VSNL1: variants seen among roughly 807,000 people sequenced by gnomAD.
VSNL1 encodes visinin like 1, also known as visinin-like protein 1.
A neutral mutation model predicts 20.4 loss-of-function variants in VSNL1; 6 were observed. The observed-to-expected ratio is 0.29, with a 90% confidence interval of 0.16 to 0.58. VSNL1 has a LOEUF of 0.58. Ranked by LOEUF, VSNL1 falls within the 20% of genes least tolerant of loss-of-function variation. VSNL1 has a pLI of 0.90. For missense variants in VSNL1, 100 were observed against 234.5 expected (o/e 0.43, Z 3.75); for synonymous variants, 93 against 86.4 (o/e 1.08, Z -0.42).
At chr2:17,601,691 T>C (rs1009476199) in intron 2 of VSNL1, among the ~76,000 whole-genome samples, 9 of 150,808 alleles carry the variant, frequency 6.0e-5, no homozygotes, top group Non-Finnish European at 1.3e-4. Context: ...TCCCAGCACT[T>C]TGGGAGGCCG....
At chr2:17,582,080 G>A (rs7425636) in intron 1 of VSNL1, among the ~76,000 whole-genome samples, 2 of 152,176 alleles carry the variant, frequency 1.3e-5, no homozygotes, top group African/African-American at 4.8e-5. Flanking sequence ...GAGTTCACTA[G>A]AGAACCAACG....
chr2:17,626,258 G>A (rs1665505745), intron 2 of VSNL1, among the ~76,000 whole-genome samples: 1 of 152,206 alleles, frequency 6.6e-6, no homozygotes, highest in African/African-American at 2.4e-5. Flanking sequence ...TTGGCAGACT[G>A]TTGGGAGTTC....
rs1666234376 is a variant in VSNL1 at position 17,656,390 on chromosome 2, T to G, written c.*996T>G. The G allele has an allele frequency of 6.6e-6, 1 of 151,888 alleles. No homozygotes were observed. The highest frequency in any genetic ancestry group is 1.5e-5 in the Non-Finnish European group (1 of 67,946). 9.4% of individuals were successfully genotyped at this position (151,888 alleles called of 1,614,324 possible). The stretch of plus-strand genomic sequence containing the variant: ...TGAAAAGTAAAACAGATTTGTTCAT[T>G]CCGAAAAAAAAATGTTCATTCTATG... On this transcript the variant is annotated 3_prime_UTR_variant, in exon 4 of 4. Coordinates refer to ENST00000295156, the MANE Select transcript of VSNL1 (RefSeq NM_003385.5).
chr2:17,576,323 G>A (rs1470246424), intron 1 of VSNL1, among the ~76,000 whole-genome samples: 1 of 152,134 alleles, frequency 6.6e-6, no homozygotes, highest in African/African-American at 2.4e-5. Flanking sequence ...AGTGGGAAAT[G>A]GTTATAGTGC....
At chr2:17,543,739 T>C (rs2103333282) in intron 1 of VSNL1, among the ~76,000 whole-genome samples, 1 of 152,346 alleles carries the variant, frequency 6.6e-6, no homozygotes, top group South Asian at 2.1e-4. Context: ...TTTTGTTTTA[T>C]TCTTTCGCAG....
intron 2 of VSNL1, among the ~76,000 whole-genome samples, chr2:17,632,114 T>A (rs1354752767): frequency 6.6e-6 from 1 of 152,116 alleles, no homozygotes; most frequent in Non-Finnish European, 1.5e-5. Context: ...CTCGAACTCC[T>A]CACCTTAACT....
At chr2:17,590,329 A>T (rs1664570594) in intron 1 of VSNL1, among the ~76,000 whole-genome samples, 1 of 152,218 alleles carries the variant, frequency 6.6e-6, no homozygotes, top group Non-Finnish European at 1.5e-5. Context: ...CATGAATTAG[A>T]GTTTTCTTAC....
intron 1 of VSNL1, among the ~76,000 whole-genome samples, chr2:17,566,307 G>A (rs1351490184): frequency 6.6e-6 from 1 of 152,104 alleles, no homozygotes; most frequent in East Asian, 1.9e-4. Flanking sequence ...ATCTTCTGCT[G>A]TATTAAATAC....
chr2:17,627,824 CTCATCTTGATTTGGTGGCTGG>C (rs1403814499), intron 2 of VSNL1, among the ~76,000 whole-genome samples: 1 of 152,246 alleles, frequency 6.6e-6, no homozygotes, highest in East Asian at 1.9e-4. Flanking sequence ...TCCAGCCCCT[CTCATCTTGATTTGGTGGCTGG>C]TGACCTTTCA....
At chr2:17,582,397 G>A (rs1664369396) in intron 1 of VSNL1, among the ~76,000 whole-genome samples, 1 of 152,176 alleles carries the variant, frequency 6.6e-6, no homozygotes, top group African/African-American at 2.4e-5. Context: ...GGTCATTCCA[G>A]CTATGATAGT....
chr2:17,637,204 G>A (rs1465436040), intron 2 of VSNL1, among the ~76,000 whole-genome samples: 2 of 152,138 alleles, frequency 1.3e-5, no homozygotes, highest in African/African-American at 2.4e-5. Context: ...AGGGGAGCCC[G>A]GAGAGCCTGT....
chr2:17,638,311 G>A (rs903139614), intron 2 of VSNL1, among the ~76,000 whole-genome samples: 2 of 152,096 alleles, frequency 1.3e-5, no homozygotes, highest in East Asian at 1.9e-4. Flanking sequence ...ATTCAATATG[G>A]GTAATGTGCT....
At chr2:17,611,218 A>G (rs1665077365) in intron 2 of VSNL1, among the ~76,000 whole-genome samples, 1 of 152,202 alleles carries the variant, frequency 6.6e-6, no homozygotes, top group South Asian at 2.1e-4. Context: ...TATTATCCCC[A>G]TTTTACAGAT....
At chr2:17,628,437 G>A (rs564647228) in intron 2 of VSNL1, among the ~76,000 whole-genome samples, 46 of 152,342 alleles carry the variant, frequency 3.0e-4, no homozygotes, top group African/African-American at 1.0e-3. Context: ...AGTCTACACT[G>A]TTTCCACTAG....
chr2:17,623,405 C>T (rs1665430752), intron 2 of VSNL1, among the ~76,000 whole-genome samples: 1 of 151,626 alleles, frequency 6.6e-6, no homozygotes, highest in African/African-American at 2.4e-5. Flanking sequence ...CACGGTGGCT[C>T]ACGTCTGTAA....
At chr2:17,627,200 C>T (rs1390023043) in intron 2 of VSNL1, among the ~76,000 whole-genome samples, 1 of 152,210 alleles carries the variant, frequency 6.6e-6, no homozygotes, top group South Asian at 2.1e-4. Context: ...AATCCTAGTT[C>T]ATTTGCATGC....
chr2:17,548,642 T>A (rs1318759326), intron 1 of VSNL1, among the ~76,000 whole-genome samples: 1 of 152,204 alleles, frequency 6.6e-6, no homozygotes, highest in Non-Finnish European at 1.5e-5. Context: ...TCTTCTTTCC[T>A]GCCCACATCT....
intron 3 of VSNL1, among the ~76,000 whole-genome samples, chr2:17,654,015 G>C (rs1666173883): frequency 6.6e-6 from 1 of 152,118 alleles, no homozygotes; most frequent in Non-Finnish European, 1.5e-5. Context: ...TTATATTTTT[G>C]AGATTTATCC....
intron 2 of VSNL1, among the ~76,000 whole-genome samples, chr2:17,644,677 T>A (rs1425235711): frequency 6.6e-6 from 1 of 152,164 alleles, no homozygotes; most frequent in African/African-American, 2.4e-5. Flanking sequence ...CTCCTGCAAG[T>A]CCTACCCTTG....
Sources: allele counts gnomAD v4.1 joint callset (sites outside exome capture counted in the v4.1 genomes callset), GRCh38; gene constraint gnomAD v4.1.1; transcripts MANE v1.5; gene names NCBI Gene and HGNC (gene_info 2026-07-23, HGNC 2026-07-21).